Variants in RABGAP1L observed in about 807,000 individuals in gnomAD.
The protein encoded by RABGAP1L is rab GTPase-activating protein 1-like.
In RABGAP1L, 63 loss-of-function variants were observed where a neutral mutation model predicts 137.7. The ratio of observed to expected loss-of-function variants is 0.46; its 90% CI spans 0.37 to 0.56. The LOEUF is 0.56. Among genes scored for constraint, RABGAP1L ranks in the 20% least tolerant of loss-of-function variants. RABGAP1L has a pLI of 0.00. For missense variants in RABGAP1L, 1,095 were observed against 1,244.0 expected (o/e 0.88, Z 1.80); for synonymous variants, 431 against 433.7 (o/e 0.99, Z 0.08).
chr1:174,716,328 T>C lies in RABGAP1L; in HGVS notation c.2169+14072T>C, dbSNP rs962082444. On this transcript the variant is annotated intron_variant, in intron 17 of 25. Transcript: ENST00000681986. Reference sequence around the variant, plus strand: ...TGCCGAGAGTAGAGTGCAGTGGCTATTCACAGACATTATCATCATAGTGGC... The same window carrying C: ...TGCCGAGAGTAGAGTGCAGTGGCTACTCACAGACATTATCATCATAGTGGC... 7.2e-5 allele frequency among the ~76,000 whole-genome samples: 11 copies of C among 152,136 alleles called. 1 individual carries two copies. The highest frequency in any genetic ancestry group is 2.7e-4 in the African/African-American group (11 of 41,414).
At chr1:174,735,173 T>C (rs1682828923) in intron 17 of RABGAP1L, among the ~76,000 whole-genome samples, 2 of 151,842 alleles carry the variant, frequency 1.3e-5, no homozygotes, top group Admixed American at 1.3e-4. Context: ...GACAGGGTCT[T>C]GCCATCTTGC....
chr1:174,517,034 A>G (rs933561039), intron 13 of RABGAP1L, among the ~76,000 whole-genome samples: 7 of 152,092 alleles, frequency 4.6e-5, no homozygotes, highest in African/African-American at 1.4e-4. Context: ...GTGTTAGCAC[A>G]CAATTATTTT....
At chr1:174,401,625 C>G (rs767504510) in intron 13 of RABGAP1L, among the ~76,000 whole-genome samples, 1 of 152,070 alleles carries the variant, frequency 6.6e-6, no homozygotes, top group Non-Finnish European at 1.5e-5. Context: ...TCTACTTGTA[C>G]CGCTAATTCA....
At chr1:174,715,899 T>G (rs1317549796) in intron 17 of RABGAP1L, among the ~76,000 whole-genome samples, 2 of 152,220 alleles carry the variant, frequency 1.3e-5, no homozygotes. Flanking sequence ...CCAGCTGCAC[T>G]TTTCAGGCAC....
chr1:174,706,427 A>G (rs2148538093), intron 17 of RABGAP1L, among the ~76,000 whole-genome samples: 1 of 152,286 alleles, frequency 6.6e-6, no homozygotes, highest in African/African-American at 2.4e-5. Context: ...AACTGAAATG[A>G]AAATCATTTT....
intron 13 of RABGAP1L, among the ~76,000 whole-genome samples, chr1:174,423,527 C>A (rs539888686): frequency 1.3e-5 from 2 of 152,216 alleles, no homozygotes; most frequent in African/African-American, 4.8e-5. Flanking sequence ...CGTATACCTG[C>A]ATTTTGAATT....
At chr1:174,289,573 A>C (rs1422727061) in intron 10 of RABGAP1L, among the ~76,000 whole-genome samples, 1 of 152,184 alleles carries the variant, frequency 6.6e-6, no homozygotes, top group Non-Finnish European at 1.5e-5. Context: ...TCATTGTATT[A>C]GTGTCTGCAC....
chr1:174,847,150 C>T (rs934075713), intron 19 of RABGAP1L, among the ~76,000 whole-genome samples: 8 of 149,216 alleles, frequency 5.4e-5, no homozygotes, highest in African/African-American at 2.0e-4. Context: ...TTCCTGAATA[C>T]AGCACACTGT....
chr1:174,514,494 T>G (rs1662637866), intron 13 of RABGAP1L, among the ~76,000 whole-genome samples: 2 of 152,066 alleles, frequency 1.3e-5, no homozygotes, highest in Admixed American at 1.3e-4. Flanking sequence ...ACTTACACAG[T>G]TTGCTGATTT....
At chr1:174,919,411 G>A (rs573609339) in intron 19 of RABGAP1L, among the ~76,000 whole-genome samples, 6 of 152,246 alleles carry the variant, frequency 3.9e-5, no homozygotes, top group Admixed American at 6.5e-5. Flanking sequence ...CACCTACTTC[G>A]GCTTCTCCGT....
chr1:174,933,155 C>T (rs1174285952), intron 19 of RABGAP1L, among the ~76,000 whole-genome samples: 1 of 152,120 alleles, frequency 6.6e-6, no homozygotes, highest in Non-Finnish European at 1.5e-5. Context: ...AACATACATA[C>T]ATTTATATGC....
intron 13 of RABGAP1L, among the ~76,000 whole-genome samples, chr1:174,619,339 A>C (rs1048813279): frequency 6.6e-6 from 1 of 152,250 alleles, no homozygotes; most frequent in African/African-American, 2.4e-5. Context: ...CATAATTGTC[A>C]GATTCACCAC....
chr1:174,161,917 AGTCAAGG>A (rs1664493897), intron 1 of RABGAP1L, among the ~76,000 whole-genome samples: 1 of 151,960 alleles, frequency 6.6e-6, no homozygotes, highest in East Asian at 1.9e-4. Context: ...ATTTTTGTAG[AGTCAAGG>A]GTCTCACCAT....
chr1:174,873,432 A>T (rs1334366797), intron 19 of RABGAP1L, among the ~76,000 whole-genome samples: 1 of 151,340 alleles, frequency 6.6e-6, no homozygotes. Context: ...TTTATGGGTG[A>T]CGTGATGAGA....
At chr1:174,189,927 C>G (rs1387164444) in intron 1 of RABGAP1L, among the ~76,000 whole-genome samples, 2 of 152,068 alleles carry the variant, frequency 1.3e-5, no homozygotes, top group African/African-American at 2.4e-5. Context: ...GAAGAGAGAC[C>G]TGAGCTAGCA....
intron 17 of RABGAP1L, among the ~76,000 whole-genome samples, chr1:174,704,423 T>C (rs1679896029): frequency 6.6e-6 from 1 of 152,218 alleles, no homozygotes; most frequent in South Asian, 2.1e-4. Context: ...CAGTAACAAT[T>C]ATATATGCAG....
chr1:174,333,446 A>G (rs1219760309), intron 11 of RABGAP1L, among the ~76,000 whole-genome samples: 2 of 152,256 alleles, frequency 1.3e-5, no homozygotes, highest in Non-Finnish European at 2.9e-5. Flanking sequence ...ATGTATAATT[A>G]TTACATGTCA....
intron 1 of RABGAP1L, among the ~76,000 whole-genome samples, chr1:174,194,106 G>C (rs1280734913): frequency 6.6e-6 from 1 of 152,154 alleles, no homozygotes; most frequent in Admixed American, 6.5e-5. Flanking sequence ...ACACTGACCT[G>C]CTTGGCTTTG....
intron 19 of RABGAP1L, chr1:174,922,484 A>G (rs375313242): frequency 1.3e-5 from 2 of 152,656 alleles, no homozygotes; most frequent in East Asian, 1.9e-4. Context: ...TTTTAAAACC[A>G]CAGTCTTCTT....
Sources: allele counts gnomAD v4.1 joint callset (sites outside exome capture counted in the v4.1 genomes callset), GRCh38; gene constraint gnomAD v4.1.1; transcripts MANE v1.5; gene names NCBI Gene and HGNC (gene_info 2026-07-23, HGNC 2026-07-21).